The following ADPGK variants were observed in gnomAD, a reference collection of about 807,000 sequenced individuals.
ADPGK encodes ADP-dependent glucokinase.
Under a neutral mutation model 42.4 loss-of-function variants are expected in ADPGK, and 26 were observed. The ratio of observed to expected loss-of-function variants is 0.61; its 90% CI spans 0.45 to 0.85. The LOEUF is 0.85. Among genes scored for constraint, ADPGK ranks in the 40% least tolerant of loss-of-function variants. The probability of loss-of-function intolerance (pLI) is 0.00; values close to 1 mark genes in which losing one functional copy is unlikely to be tolerated. For missense variants in ADPGK, 571 were observed against 627.0 expected (o/e 0.91, Z 0.95); for synonymous variants, 267 against 252.6 (o/e 1.06, Z -0.54).
chr15:72,753,944 A>G (rs896545843), intron 6 of ADPGK, among the ~76,000 whole-genome samples: 7 of 152,098 alleles, frequency 4.6e-5, no homozygotes, highest in African/African-American at 1.7e-4. Flanking sequence ...GTGTAGGCTC[A>G]CTAGCTTAAC....
In ADPGK at chr15:72,752,620, T is replaced by A. The variant is rs371002955; in HGVS notation, c.1215A>T (p.Ala405=). 5.6e-5 allele frequency: 91 copies of A among 1,614,128 alleles called. No homozygotes were observed. Among genetic ancestry groups the A allele is most frequent in the Non-Finnish European group, 7.5e-5 (89 of 1,180,052 alleles). Residue 405 remains alanine (A), a synonymous_variant, in exon 7 of 7, where the codon GCA becomes GCT. Transcript: ENST00000456471. ...HWANQLAAVA[A]GARVAGTQAC... ...CCTGTGTCCCAGCCACACGAGCTCC[T>A]GCAGCCACGGCTGCCAGCTGGTTGG...
chr15:72,764,081 A>C (rs2066228293), intron 3 of ADPGK, among the ~76,000 whole-genome samples: 2 of 152,174 alleles, frequency 1.3e-5, no homozygotes, highest in South Asian at 4.1e-4. Flanking sequence ...CCAGTTAATA[A>C]CCCTACAATG....
intron 3 of ADPGK, among the ~76,000 whole-genome samples, chr15:72,765,291 G>A (rs932312200): frequency 1.3e-5 from 2 of 152,076 alleles, no homozygotes; most frequent in Non-Finnish European, 2.9e-5. Flanking sequence ...TGGGATTACA[G>A]GTGTGCACCA....
Position 72,774,911 on chromosome 15 carries a change from G to C in ADPGK, c.420C>G (p.His140Gln). Residue 140 changes from histidine (H) to glutamine (Q), a missense_variant, in exon 2 of 7, where the codon CAC becomes CAG. His to Gln is a conservative substitution (Grantham distance 24, BLOSUM62 0). This residue lies in a region of ADPGK where 434 missense variants were observed against 522.7 expected (regional missense o/e 0.83). Transcript: ENST00000456471. ...ERFFSDKETF[H>Q]DIAQVASEFP... ...ACTCTGATGCAACCTGGGCAATGTC[G>C]TGAAAAGTTTCCTTATCACTGAAGA... 2 of 1,614,076 alleles carry C rather than the reference G, an allele frequency of 1.2e-6. No homozygotes were observed. The highest frequency in any genetic ancestry group is 1.7e-6 in the Non-Finnish European group (2 of 1,179,962).
intron 3 of ADPGK, among the ~76,000 whole-genome samples, chr15:72,767,032 G>A (rs1221603524): frequency 1.3e-5 from 2 of 152,038 alleles, no homozygotes; most frequent in African/African-American, 4.8e-5. Flanking sequence ...CCAACTATAC[G>A]CTGTCTATAA....
At chr15:72,769,460 C>G (rs1370975880) in intron 3 of ADPGK, among the ~76,000 whole-genome samples, 1 of 152,178 alleles carries the variant, frequency 6.6e-6, no homozygotes, top group African/African-American at 2.4e-5. Flanking sequence ...ATTCTCCTGC[C>G]TCAGCCTCCT....
intron 3 of ADPGK, among the ~76,000 whole-genome samples, chr15:72,768,117 G>A (rs550052018): frequency 2.6e-5 from 4 of 151,552 alleles, no homozygotes; most frequent in South Asian, 2.1e-4. Context: ...GATCTTAAAG[G>A]AATAATAGAA....
intron 2 of ADPGK, among the ~76,000 whole-genome samples, chr15:72,772,051 C>A (rs2151087540): frequency 6.6e-6 from 1 of 152,170 alleles, no homozygotes; most frequent in East Asian, 1.9e-4. Flanking sequence ...ATAGGACAAC[C>A]ATGAAAATGA....
At chr15:72,768,500 C>T (rs1027124120) in intron 3 of ADPGK, among the ~76,000 whole-genome samples, 1 of 152,084 alleles carries the variant, frequency 6.6e-6, no homozygotes, top group Non-Finnish European at 1.5e-5. Flanking sequence ...AACTCCCTCT[C>T]TACTAAAAAA....
chr15:72,771,677 G>T, intron 3 of ADPGK, 106 bp downstream of exon 3: 1 of 1,009,280 alleles, frequency 9.9e-7, no homozygotes, highest in Non-Finnish European at 1.5e-6. Flanking sequence ...CTGGTACATA[G>T]TAGGTGATCC....
chr15:72,779,126 T>C (rs2066424954), intron 1 of ADPGK, among the ~76,000 whole-genome samples: 1 of 152,160 alleles, frequency 6.6e-6, no homozygotes, highest in African/African-American at 2.4e-5. Context: ...ACCTTGTGTT[T>C]GGATACAATA....
chr15:72,781,055 G>A (rs184743823), intron 1 of ADPGK, among the ~76,000 whole-genome samples: 10 of 152,242 alleles, frequency 6.6e-5, no homozygotes, highest in African/African-American at 2.2e-4. Context: ...GTGTGAATAC[G>A]AGTGTGTCTC....
chr15:72,781,942 A>G (rs1275082069), intron 1 of ADPGK, among the ~76,000 whole-genome samples: 1 of 152,218 alleles, frequency 6.6e-6, no homozygotes, highest in Non-Finnish European at 1.5e-5. Flanking sequence ...GTACATGCGC[A>G]GACTAACTGA....
chr15:72,780,614 T>C (rs1595807841), intron 1 of ADPGK, among the ~76,000 whole-genome samples: 1 of 152,088 alleles, frequency 6.6e-6, no homozygotes, highest in East Asian at 1.9e-4. Flanking sequence ...CTGAGCAACT[T>C]GGCAAATCCT....
At chr15:72,777,632 C>T (rs867503389) in intron 1 of ADPGK, among the ~76,000 whole-genome samples, 2 of 151,672 alleles carry the variant, frequency 1.3e-5, no homozygotes, top group African/African-American at 4.9e-5. Context: ...GAGCTGAGAT[C>T]GTGCCATGGT....
At chr15:72,783,124 C>A (rs2066487894) in intron 1 of ADPGK, 1 of 844,218 alleles carries the variant, frequency 1.2e-6, no homozygotes, top group Non-Finnish European at 1.5e-6. Flanking sequence ...GGTCAAGTAT[C>A]TTTGATTGCA....
rs2066249830 is a variant in ADPGK, at chr15:72,765,711, G to T, written c.523-5184C>A. Among the ~76,000 whole-genome samples the T allele has an allele frequency of 5.9e-5, 9 of 152,348 alleles. No homozygotes were observed. In the South Asian group the frequency reaches 1.5e-3, roughly 25 times the overall value. ...ACTTCAGTAAACTGCAGTAACTGCA[G>T]ATGTGGTGAAAACAGCCAGAGAACT... On this transcript the variant is annotated intron_variant, in intron 3 of 6. Transcript: ENST00000456471.
chr15:72,758,202 G>A, intron 4 of ADPGK: 1 of 1,378,608 alleles, frequency 7.3e-7, no homozygotes, highest in Non-Finnish European at 1.0e-6. Flanking sequence ...CCGTTGGAGA[G>A]GCCATGCAGG....
chr15:72,776,180 G>C (rs892616406), intron 1 of ADPGK, among the ~76,000 whole-genome samples: 2 of 152,178 alleles, frequency 1.3e-5, no homozygotes, highest in Non-Finnish European at 2.9e-5. Context: ...CCTCTCCTAT[G>C]TGTGTATGGA....
Sources: gnomAD v4.1 joint callset for allele counts (sites outside exome capture counted in the v4.1 genomes callset) on GRCh38, gnomAD v4.1.1 for gene constraint, gnomAD v4.1.1 regional missense constraint, MANE v1.5 for transcripts, NCBI Gene and HGNC (gene_info 2026-07-23, HGNC 2026-07-21) for gene names.